The following FBXO38 variants were observed in gnomAD, a reference collection of about 807,000 sequenced individuals.
The protein encoded by FBXO38 is F-box protein 38.
Under a neutral mutation model 131.9 loss-of-function variants are expected in FBXO38, and 53 were observed. That is an observed-to-expected ratio of 0.40 (90% CI 0.32 to 0.51). The LOEUF is 0.51. FBXO38 is among the 20% of genes least tolerant of loss of function. The pLI, the probability that FBXO38 is intolerant of heterozygous loss-of-function variation, is 0.53. For missense variants in FBXO38, 1,076 were observed against 1,475.6 expected, an observed-to-expected ratio of 0.73 and a Z score of 4.44; for synonymous variants, 452 against 505.6, an observed-to-expected ratio of 0.89 and a Z score of 1.42.
At chr5:148,426,455 T>C (rs1052955752) in intron 14 of FBXO38, among the ~76,000 whole-genome samples, 3 of 152,248 alleles carry the variant, frequency 2.0e-5, no homozygotes, top group African/African-American at 7.2e-5. Context: ...CATTGACTCA[T>C]TATTCAATTT....
intron 15 of FBXO38, 163 bp from the exon 16 acceptor site, chr5:148,433,261 T>G (rs1754138331): frequency 1.7e-6 from 1 of 580,040 alleles, no homozygotes; most frequent in Non-Finnish European, 3.1e-6. Flanking sequence ...GATCCTGTTT[T>G]GAAACAATCC....
chr5:148,409,328 G>C (rs1353593080), intron 8 of FBXO38, 111 bp downstream of exon 8: 1 of 715,020 alleles, frequency 1.4e-6, no homozygotes, highest in African/African-American at 1.8e-5. Context: ...ATTTGATCAA[G>C]CCTTGTTCAA....
chr5:148,437,726 C>T (rs779175236), intron 17 of FBXO38, among the ~76,000 whole-genome samples: 12 of 152,070 alleles, frequency 7.9e-5, no homozygotes, highest in Non-Finnish European at 1.8e-4. Context: ...TTTTTTCTGA[C>T]TTCATGTTTT....
chr5:148,400,281 T>A (rs1320600238), intron 3 of FBXO38, among the ~76,000 whole-genome samples: 2 of 152,034 alleles, frequency 1.3e-5, no homozygotes, highest in Non-Finnish European at 2.9e-5. Flanking sequence ...AGAAAAAAAA[T>A]TAGGGCAGTG....
Position 148,442,066 on chromosome 5 carries a change from G to T in FBXO38, c.3486G>T (p.Lys1162Asn). ...EEISEMRQMKKGVFQRVVAIF... is the reference protein window; with the variant it reads ...EEISEMRQMKNGVFQRVVAIF... The stretch of plus-strand genomic sequence containing the variant: ...TTTCAGAGATGCGTCAGATGAAGAA[G>T]GGTGTATTTCAGCGAGTAGTGGCAA... Residue 1162 changes from lysine (K) to asparagine (N), a missense_variant, in exon 22 of 22, where the codon AAG (lysine) becomes AAT (asparagine). By Grantham distance (94) the Lys-to-Asn change is moderately conservative. Around this residue, in one of 8 missense-constraint regions of FBXO38, gnomAD observed 282 missense variants for 418.8 expected, o/e 0.67. Transcript: ENST00000340253. 6.2e-7 allele frequency: 1 copy of T among 1,614,082 alleles called. No individual in the cohort carries two copies. Among genetic ancestry groups the T allele is most frequent in the South Asian group, 1.1e-5 (1 of 91,070 alleles).
At position 148,412,989 on chromosome 5, in the gene FBXO38, G is replaced by A. The variant is rs575677976; in HGVS notation, c.1094-1147G>A. Among the ~76,000 whole-genome samples the A allele has an allele frequency of 9.2e-5, 14 of 152,146 alleles. No individual in the cohort carries two copies. In the South Asian group the frequency reaches 1.2e-3, roughly 14 times the overall value. ...CTCAAAAAACTAAATGCAAGACATC[G>A]ATTTGTCATGTTAGGTTACAGCATT... On this transcript the variant is annotated intron_variant, in intron 9 of 21. Coordinates refer to ENST00000340253, the MANE Select transcript of FBXO38 (RefSeq NM_205836.3).
intron 1 of FBXO38, chr5:148,385,164 T>G (rs1757846624): frequency 6.6e-6 from 1 of 152,198 alleles, no homozygotes; most frequent in Non-Finnish European, 1.5e-5. Context: ...TAACTTTCAT[T>G]TTGAGAATTA....
intron 2 of FBXO38, chr5:148,397,489 T>C (rs1174300312): frequency 6.6e-6 from 1 of 152,190 alleles, no homozygotes; most frequent in Admixed American, 6.5e-5. Context: ...TTAATGTTTT[T>C]CATTGTTTAT....
intron 15 of FBXO38, among the ~76,000 whole-genome samples, chr5:148,429,362 A>G (rs1211247119): frequency 6.6e-6 from 1 of 150,944 alleles, no homozygotes; most frequent in Non-Finnish European, 1.5e-5. Flanking sequence ...AACTATCACC[A>G]TCTTGTTTCA....
chr5:148,442,142 A>T lies in FBXO38; in HGVS notation c.3562A>T (p.Ile1188Phe), dbSNP rs777560980. 6.8e-6 allele frequency: 11 copies of T among 1,613,550 alleles called. No individual in the cohort carries two copies. Among genetic ancestry groups the T allele is most frequent in the Non-Finnish European group, 9.3e-6 (11 of 1,179,716 alleles). ...TGGAGAGCCAGTTGAAGATGACTAC[A>T]TTTAATTGGTCCCTCCTCCTTTCCA... The part of the protein sequence containing the change: ...VNGEPVEDDY[I>F] The change falls in exon 22 of 22, where the codon ATT becomes TTT. Residue 1188 changes from isoleucine to phenylalanine, a missense_variant. Physicochemically the swap from Ile to Phe is conservative, Grantham distance 21. This residue lies in a region of FBXO38 where 282 missense variants were observed against 418.8 expected (regional missense o/e 0.67). Transcript: ENST00000340253.
chr5:148,429,583 G>A (rs1396314580), intron 15 of FBXO38, among the ~76,000 whole-genome samples: 1 of 152,032 alleles, frequency 6.6e-6, no homozygotes, highest in African/African-American at 2.4e-5. Context: ...TTTTTATCAA[G>A]TTCCAAAAAC....
At chr5:148,396,374 T>A (rs1030466971) in intron 2 of FBXO38, among the ~76,000 whole-genome samples, 1 of 152,136 alleles carries the variant, frequency 6.6e-6, no homozygotes, top group Non-Finnish European at 1.5e-5. Flanking sequence ...CAAATACATG[T>A]GGAGATCTAG....
In FBXO38 at chr5:148,424,066, C is replaced by T. The variant is rs1426177166; in HGVS notation, c.1687C>T (p.Pro563Ser). ...EVVAESGNNTPAHSQAIIPVD... is the reference protein window; with the variant it reads ...EVVAESGNNTSAHSQAIIPVD... Reference sequence around the variant, plus strand: ...GGTGGCCGAGAGTGGAAATAATACTCCAGCTCACAGCCAGGCAATTATTCC... The same window carrying T: ...GGTGGCCGAGAGTGGAAATAATACTTCAGCTCACAGCCAGGCAATTATTCC... The change falls in exon 13 of 22, where the codon CCA becomes TCA. Residue 563 changes from proline to serine, a missense_variant. Transcript: ENST00000340253. 6.2e-7 allele frequency: 1 copy of T among 1,613,450 alleles called. No individual in the cohort carries two copies. The highest frequency in any genetic ancestry group is 8.5e-7 in the Non-Finnish European group (1 of 1,179,616).
chr5:148,403,770 A>T (rs954465467), intron 5 of FBXO38, among the ~76,000 whole-genome samples: 3 of 152,196 alleles, frequency 2.0e-5, no homozygotes, highest in Non-Finnish European at 4.4e-5. Context: ...CAAGTACTGC[A>T]ATTTTACATT....
chr5:148,397,591 A>G (rs369645637), intron 2 of FBXO38: 1 of 152,186 alleles, frequency 6.6e-6, no homozygotes, highest in Non-Finnish European at 1.5e-5. Context: ...TTTATTTTGT[A>G]TAATATTTGA....
At chr5:148,392,197 G>A (rs1758231367) in intron 1 of FBXO38, among the ~76,000 whole-genome samples, 1 of 152,150 alleles carries the variant, frequency 6.6e-6, no homozygotes, top group African/African-American at 2.4e-5. Context: ...CATTTCCGTA[G>A]TGCACGTGAA....
intron 11 of FBXO38, 90 bp from the exon 12 acceptor site, chr5:148,416,904 T>C (rs1223174181): frequency 4.0e-6 from 3 of 743,710 alleles, no homozygotes; most frequent in South Asian, 1.6e-5. Flanking sequence ...ATATTAGTTA[T>C]AATGTAAAGG....
At chr5:148,397,856 G>A (rs927829476) in intron 2 of FBXO38, among the ~76,000 whole-genome samples, 2 of 152,142 alleles carry the variant, frequency 1.3e-5, no homozygotes, top group Non-Finnish European at 1.5e-5. Flanking sequence ...TGTATACTAT[G>A]TCAGTGAAGT....
chr5:148,425,720 C>T lies in FBXO38; in HGVS notation c.1918+19C>T. The T allele has an allele frequency of 6.2e-7, 1 of 1,607,448 alleles. No individual in the cohort carries two copies. ...TTGTCAGGTGAGAAATTGTCTTTCT[C>T]TGAACTATTAATGAGAGTCACTATC... On this transcript the variant is annotated intron_variant, in intron 14 of 21. Transcript: ENST00000340253.
Sources: allele counts gnomAD v4.1 joint callset (sites outside exome capture counted in the v4.1 genomes callset), GRCh38; gene constraint gnomAD v4.1.1; regional missense constraint gnomAD v4.1.1; transcripts MANE v1.5; gene names NCBI Gene and HGNC (gene_info 2026-07-23, HGNC 2026-07-21).